The following USH2A variants were observed in gnomAD, a reference collection of about 807,000 sequenced individuals.
USH2A encodes Usher syndrome 2A (autosomal recessive, mild).
A neutral mutation model predicts 538.9 loss-of-function variants in USH2A; 443 were observed. The ratio of observed to expected loss-of-function variants is 0.82; its 90% confidence interval spans 0.76 to 0.89. USH2A has a LOEUF of 0.89. USH2A is among the 40% of genes least tolerant of loss of function. The pLI is 0.00. For missense variants in USH2A, 6,633 were observed against 6,324.8 expected, an observed-to-expected ratio of 1.05 and a Z score of -1.65; for synonymous variants, 2,413 against 2,273.5, an observed-to-expected ratio of 1.06 and a Z score of -1.75.
rs60766928 is a variant in USH2A, at chr1:215,840,163, C to CAAAAA, written c.9259-2065_9259-2061dup. Among the ~76,000 whole-genome samples, 16 of 29,522 alleles carry CAAAAA rather than the reference C, an allele frequency of 5.4e-4. 1 individual carries two copies. Among genetic ancestry groups the CAAAAA allele is most frequent in the African/African-American group, 1.0e-3 (9 of 8,944 alleles). 19.4% of individuals were successfully genotyped at this position (29,522 alleles called of 152,430 possible). A position where few individuals can be genotyped will look rare whatever the true frequency, so the allele number is the denominator to read the frequency against. On this transcript the variant is annotated intron_variant, in intron 46 of 71. Coordinates refer to ENST00000307340, the MANE Select transcript of USH2A (RefSeq NM_206933.4). ...GGGTGAGAAGAGTGAGACTCTGTCT[C>CAAAAA]AAAAAAAAAAAAAAAAAAAAAAAAA... is the stretch of plus-strand genomic sequence containing the variant.
intron 37 of USH2A, among the ~76,000 whole-genome samples, chr1:215,942,136 A>C (rs1666650172): frequency 6.6e-6 from 1 of 151,984 alleles, no homozygotes; most frequent in African/African-American, 2.4e-5. Context: ...GATAGTTTTC[A>C]ATTTGTTGTA....
intron 61 of USH2A, among the ~76,000 whole-genome samples, chr1:215,703,762 G>A (rs1158492493): frequency 6.6e-6 from 1 of 152,128 alleles, no homozygotes; most frequent in Non-Finnish European, 1.5e-5. Flanking sequence ...ATGGGGGTGG[G>A]ATCCACTGAG....
At chr1:215,673,741 TCA>T (rs770924698) in intron 63 of USH2A, among the ~76,000 whole-genome samples, 1 of 152,218 alleles carries the variant, frequency 6.6e-6, no homozygotes, top group Non-Finnish European at 1.5e-5. Context: ...ATCATTTTCT[TCA>T]CAGTCTGGCC....
intron 32 of USH2A, among the ~76,000 whole-genome samples, chr1:216,027,924 G>A (rs755115584): frequency 6.6e-6 from 1 of 152,130 alleles, no homozygotes; most frequent in Non-Finnish European, 1.5e-5. Flanking sequence ...AGAAATTTAC[G>A]ATTTGGGAGT....
chr1:215,680,023 G>C, intron 62 of USH2A, 126 bp downstream of exon 62: 1 of 910,154 alleles, frequency 1.1e-6, no homozygotes, highest in Non-Finnish European at 1.8e-6. Context: ...GTGCCTGGAG[G>C]AGCTATCAAG....
chr1:216,078,402 G>C, intron 26 of USH2A, 40 bp from the exon 27 acceptor site: 1 of 1,593,636 alleles, frequency 6.3e-7, no homozygotes, highest in Non-Finnish European at 8.6e-7. Context: ...TATATAAAAA[G>C]GCTGCAGAAG....
intron 15 of USH2A, among the ~76,000 whole-genome samples, chr1:216,208,197 C>T (rs771938243): frequency 1.4e-4 from 22 of 151,832 alleles, no homozygotes; most frequent in African/African-American, 2.9e-4. Flanking sequence ...CACCAGAATA[C>T]GCAAAGATAA....
chr1:215,692,559 C>T (rs1321961289), intron 61 of USH2A, among the ~76,000 whole-genome samples: 2 of 152,026 alleles, frequency 1.3e-5, no homozygotes, highest in African/African-American at 4.8e-5. Flanking sequence ...CAGGCCTCAG[C>T]CAATTAACTG....
intron 4 of USH2A, among the ~76,000 whole-genome samples, chr1:216,360,106 A>T (rs1002525929): frequency 1.3e-5 from 2 of 152,142 alleles, no homozygotes; most frequent in African/African-American, 2.4e-5. Flanking sequence ...AAACCTACAC[A>T]CTGATGTTTA....
intron 15 of USH2A, among the ~76,000 whole-genome samples, chr1:216,216,796 T>C (rs771048807): frequency 6.6e-6 from 1 of 152,080 alleles, no homozygotes; most frequent in Non-Finnish European, 1.5e-5. Flanking sequence ...ATTAAAAATA[T>C]AAATGTGAGA....
In USH2A at chr1:215,766,695, T is replaced by C. The variant is rs1273094238; in HGVS notation, c.11033A>G (p.Gln3678Arg). ...TGTTTCATTACCTTCAGGAGCTGCCTGCAGTGTCTGACCTAGAAAAGGCTC... is the reference window on the plus strand; with the variant it reads ...TGTTTCATTACCTTCAGGAGCTGCCCGCAGTGTCTGACCTAGAAAAGGCTC... ...SSEPFLGQTL[Q>R]AAPEGVWVTP... The change falls in exon 56 of 72, where the codon CAG becomes CGG. Residue 3678 changes from glutamine (Q) to arginine (R), a missense_variant. Coordinates refer to ENST00000307340, the MANE Select transcript of USH2A (RefSeq NM_206933.4). 1 of 1,613,576 alleles carries C rather than the reference T, an allele frequency of 6.2e-7. No homozygotes were observed.
intron 61 of USH2A, among the ~76,000 whole-genome samples, chr1:215,713,307 A>G (rs1659393017): frequency 6.6e-6 from 1 of 152,196 alleles, no homozygotes; most frequent in Admixed American, 6.5e-5. Context: ...GGGAGGCACT[A>G]TTAGGCATAA....
rs747974453 is a variant in USH2A at position 216,089,025 on chromosome 1, C to T, written c.4873G>A (p.Gly1625Arg). ...AAAAAGTACTTACCTGTATATATCC[C>T]ATCCAGAGTGATTTGGCCAAAAGCC... ...HQAFGQITLD[G>R]IYTGSSAILN... The change falls in exon 23 of 72, where the codon GGG (glycine) becomes AGG (arginine). Residue 1625 changes from glycine (G) to arginine (R), a missense_variant. Physicochemically the swap from Gly to Arg is moderately radical, Grantham distance 125 (BLOSUM62 -2). Coordinates refer to ENST00000307340, the MANE Select transcript of USH2A (RefSeq NM_206933.4). 6.2e-7 allele frequency: 1 copy of T among 1,613,278 alleles called. No individual in the cohort carries two copies. The highest frequency in any genetic ancestry group is 2.2e-5 in the East Asian group (1 of 44,812).
At chr1:215,836,946 A>G (rs1663550006) in intron 47 of USH2A, among the ~76,000 whole-genome samples, 1 of 151,914 alleles carries the variant, frequency 6.6e-6, no homozygotes, top group Admixed American at 6.6e-5. Flanking sequence ...CTCCCTGCAT[A>G]GTAGATAATA....
At chr1:216,368,949 GATTAAC>G (rs2038650681) in intron 3 of USH2A, among the ~76,000 whole-genome samples, 2 of 152,056 alleles carry the variant, frequency 1.3e-5, no homozygotes, top group South Asian at 2.1e-4. Flanking sequence ...CTTTCTAATA[GATTAAC>G]ATTAAGCGAT....
At chr1:215,739,761 C>T (rs1186820834) in intron 60 of USH2A, among the ~76,000 whole-genome samples, 1 of 152,122 alleles carries the variant, frequency 6.6e-6, no homozygotes, top group East Asian at 1.9e-4. Context: ...AATACTTTCT[C>T]CTTTCGTAAT....
intron 67 of USH2A, among the ~76,000 whole-genome samples, chr1:215,644,295 T>C (rs1253472862): frequency 6.6e-6 from 1 of 152,088 alleles, no homozygotes; most frequent in African/African-American, 2.4e-5. Context: ...CAATGTAAGC[T>C]GGTTATGAGA....
At chr1:216,159,973 A>AT (rs906084133) in intron 21 of USH2A, among the ~76,000 whole-genome samples, 21 of 151,604 alleles carry the variant, frequency 1.4e-4, no homozygotes, top group African/African-American at 3.4e-4. Context: ...ATACATTATT[A>AT]TTTTTTTTAA....
intron 47 of USH2A, among the ~76,000 whole-genome samples, chr1:215,817,574 G>C (rs1263477547): frequency 6.6e-6 from 1 of 151,914 alleles, no homozygotes; most frequent in Admixed American, 6.6e-5. Context: ...ACTTTACCTA[G>C]GAGTTGTGAT....
Sources: allele counts gnomAD v4.1 joint callset (sites outside exome capture counted in the v4.1 genomes callset), GRCh38; gene constraint gnomAD v4.1.1; transcripts MANE v1.5; gene names NCBI Gene and HGNC (gene_info 2026-07-23, HGNC 2026-07-21).